FAM53A: variants seen among roughly 807,000 people sequenced by gnomAD.
The protein encoded by FAM53A is protein FAM53A.
Under a neutral mutation model 26.6 loss-of-function variants are expected in FAM53A, and 28 were observed. The observed-to-expected ratio is 1.05, with a 90% CI of 0.78 to 1.45. The LOEUF (loss-of-function observed/expected upper bound fraction) is 1.45, where lower values mean the gene tolerates loss of function less well. Ranked by LOEUF, FAM53A falls within the 40% of genes most tolerant of loss-of-function variation. The pLI is 0.00. For synonymous variants in FAM53A, 290 were observed against 253.1 expected, an observed-to-expected ratio of 1.15 and a Z score of -1.38; for missense variants, 650 against 575.8, an observed-to-expected ratio of 1.13 and a Z score of -1.32.
chr4:1,623,242 C>G (rs1715129246), intron 1 of FAM53A, among the ~76,000 whole-genome samples: 1 of 152,206 alleles, frequency 6.6e-6, no homozygotes, highest in Non-Finnish European at 1.5e-5. Flanking sequence ...CAGGTGGACC[C>G]TGAGATGGGC....
In FAM53A at chr4:1,657,409, G is replaced by A. The variant is rs781743881; in HGVS notation, c.135C>T (p.Asn45=). 2.2e-5 allele frequency: 35 copies of A among 1,613,066 alleles called. No individual in the cohort carries two copies. Among genetic ancestry groups the A allele is most frequent in the South Asian group, 3.3e-5 (3 of 90,874 alleles). Reference sequence around the variant, plus strand: ...GGCCACAGCTCCTAAAGTGCTCACCGTTGAGCTCCAAAGGGAACAGACGAC... The same window carrying A: ...GGCCACAGCTCCTAAAGTGCTCACCATTGAGCTCCAAAGGGAACAGACGAC... The part of the protein sequence containing the change: ...KSGRLFPLEL[N]DQSPWKVFSG... The change falls in exon 3 of 5, where the codon AAC becomes AAT. Residue 45 remains asparagine, a splice_region_variant and synonymous_variant. Transcript: ENST00000308132.
At chr4:1,677,306 C>T (rs918340307) in intron 1 of FAM53A, among the ~76,000 whole-genome samples, 21 of 152,318 alleles carry the variant, frequency 1.4e-4, no homozygotes, top group African/African-American at 4.6e-4. Flanking sequence ...ACTCTGCACC[C>T]CACCCTGGTC....
At chr4:1,641,717 G>C (rs1033767788) in intron 4 of FAM53A, 110 bp from the exon 5 acceptor site, 47 of 1,107,082 alleles carry the variant, frequency 4.2e-5, no homozygotes, top group Non-Finnish European at 1.1e-5. Flanking sequence ...CCATCCCCAA[G>C]ACCACACAAA....
chr4:1,662,479 C>CAAAA (rs59768929), intron 2 of FAM53A, among the ~76,000 whole-genome samples: 81 of 68,278 alleles, frequency 1.2e-3, no homozygotes, highest in Non-Finnish European at 1.6e-3. Context: ...GATTCCATCA[C>CAAAA]AAAAAAAAAA....
At chr4:1,582,674 G>A in the FAM53A span, among the ~76,000 whole-genome samples, 1 of 152,138 alleles carries the variant, frequency 6.6e-6, no homozygotes, top group African/African-American at 2.4e-5. Context: ...TGGGCAAAAT[G>A]GTGAGACCCC....
At chr4:1,669,912 C>T (rs546637905) in intron 1 of FAM53A, among the ~76,000 whole-genome samples, 24 of 152,226 alleles carry the variant, frequency 1.6e-4, no homozygotes, top group Non-Finnish European at 3.1e-4. Flanking sequence ...CAGCTGCCGC[C>T]CGGCTTCAGT....
chr4:1,581,546 T>C, the FAM53A span, among the ~76,000 whole-genome samples: 1 of 152,246 alleles, frequency 6.6e-6, no homozygotes, highest in East Asian at 1.9e-4. Context: ...CAAAACCCAA[T>C]TAGACTTTTA....
intron 2 of FAM53A, among the ~76,000 whole-genome samples, chr4:1,660,515 G>A (rs1713748754): frequency 1.3e-5 from 2 of 151,316 alleles, no homozygotes; most frequent in Admixed American, 6.6e-5. Flanking sequence ...CTTGGGCTAG[G>A]GAGGCCAAGG....
intron 2 of FAM53A, among the ~76,000 whole-genome samples, chr4:1,666,532 C>A (rs1416681181): frequency 1.3e-5 from 2 of 152,272 alleles, no homozygotes; most frequent in Non-Finnish European, 2.9e-5. Flanking sequence ...AGACACCTCC[C>A]AGGCCCGGCA....
downstream of FAM53A, among the ~76,000 whole-genome samples, chr4:1,615,883 G>A (rs551686895): frequency 3.3e-5 from 5 of 152,334 alleles, no homozygotes; most frequent in African/African-American, 7.2e-5. Flanking sequence ...GAGCAGCGAC[G>A]TTAGGGCAGG....
Position 1,641,138 on chromosome 4 carries a change from G to T in FAM53A, c.*155C>A. 1 of 610,952 alleles carries T rather than the reference G, an allele frequency of 1.6e-6. No individual in the cohort carries two copies. The allele number at this position is 610,952 out of a possible 1,614,324, so 37.8% of individuals were successfully genotyped here. On this transcript the variant is annotated 3_prime_UTR_variant, in exon 5 of 5. Transcript: ENST00000308132. ...TACTCTGTGCCCCAGGGCAGGTGCCGGCGGCAGCCGTGGCCCCGACCAGCT... is the reference window on the plus strand; with the variant it reads ...TACTCTGTGCCCCAGGGCAGGTGCCTGCGGCAGCCGTGGCCCCGACCAGCT...
At chr4:1,608,586 A>T in the FAM53A span, among the ~76,000 whole-genome samples, 1 of 152,124 alleles carries the variant, frequency 6.6e-6, no homozygotes, top group African/African-American at 2.4e-5. Flanking sequence ...GGGGAGGCTT[A>T]GAGGCAGCAA....
Position 1,655,122 on chromosome 4 carries a change from C to A in FAM53A, c.738G>T (p.Thr246=), listed in dbSNP as rs753566894. ...LPWASSSPTS[T]PALGGRRGLL... The stretch of plus-strand genomic sequence containing the variant: ...GCCCACGGCGCCCGCCCAGCGCAGG[C>A]GTGGACGTGGGGCTGCTGCTGGCCC... The change falls in exon 4 of 5, where the codon ACG becomes ACT. Residue 246 remains threonine, a synonymous_variant. Transcript: ENST00000308132. 3 of 1,596,060 alleles carry A rather than the reference C, an allele frequency of 1.9e-6. No individual in the cohort carries two copies. Among genetic ancestry groups the A allele is most frequent in the Non-Finnish European group, 2.6e-6 (3 of 1,171,794 alleles).
intron 1 of FAM53A, among the ~76,000 whole-genome samples, chr4:1,670,473 AG>A (rs1714559600): frequency 6.6e-6 from 1 of 152,232 alleles, no homozygotes; most frequent in East Asian, 1.9e-4. Context: ...AAACCCAGGC[AG>A]GGTCTGTGCA....
chr4:1,652,962 A>G (rs1416058452), intron 4 of FAM53A, among the ~76,000 whole-genome samples: 1 of 147,904 alleles, frequency 6.8e-6, no homozygotes, highest in African/African-American at 2.5e-5. Flanking sequence ...CACACAGACC[A>G]CGCATACACT....
intron 4 of FAM53A, chr4:1,644,392 G>C: frequency 2.0e-6 from 3 of 1,522,486 alleles, no homozygotes; most frequent in Non-Finnish European, 2.6e-6. Context: ...GACACAGTCG[G>C]TGCAGGAGAA....
At chr4:1,622,874 A>T (rs1317323555) in intron 1 of FAM53A, among the ~76,000 whole-genome samples, 1 of 152,214 alleles carries the variant, frequency 6.6e-6, no homozygotes, top group Admixed American at 6.5e-5. Context: ...CAGGGACAGG[A>T]TAAGTCAGCA....
chr4:1,628,168 G>A (rs1417742398), intron 1 of FAM53A, among the ~76,000 whole-genome samples: 2 of 15,096 alleles, frequency 1.3e-4, no homozygotes, highest in African/African-American at 7.3e-4. Context: ...TGAACAGGGA[G>A]GGTGGCATAG....
chr4:1,661,820 G>C lies in FAM53A; in HGVS notation c.76-4352C>G, dbSNP rs545437713. 3.6e-4 allele frequency among the ~76,000 whole-genome samples: 55 copies of C among 152,184 alleles called. No individual in the cohort carries two copies. In the South Asian group the frequency reaches 0.011, roughly 30 times the overall value. On this transcript the variant is annotated intron_variant, in intron 2 of 4. Coordinates refer to ENST00000308132, the MANE Select transcript of FAM53A (RefSeq NM_001174070.3). ...GACACAACCCTAAAAATCACGTCAT[G>C]ATTTGCATTAGGACGCAGCATTCCT...
Sources: allele counts gnomAD v4.1 joint callset (sites outside exome capture counted in the v4.1 genomes callset), GRCh38; gene constraint gnomAD v4.1.1; transcripts MANE v1.5; gene names NCBI Gene and HGNC (gene_info 2026-07-23, HGNC 2026-07-21).